Variants in SPTBN1 observed in about 807,000 individuals in gnomAD.
SPTBN1 encodes spectrin beta, non-erythrocytic 1, also known as spectrin beta chain, non-erythrocytic 1.
SPTBN1 carries 32 observed loss-of-function variants against 266.4 expected under a neutral mutation model. That is an observed-to-expected ratio of 0.12 (90% CI 0.09 to 0.16). The LOEUF (loss-of-function observed/expected upper bound fraction) is 0.16, where lower values mean the gene tolerates loss of function less well. SPTBN1 is among the 10% of genes least tolerant of loss of function. The probability of loss-of-function intolerance (pLI) is 1.00; values close to 1 mark genes in which losing one functional copy is unlikely to be tolerated. For synonymous variants in SPTBN1, 1,336 were observed against 1,162.2 expected (o/e 1.15, Z -3.04); for missense variants, 2,296 against 3,067.1 (o/e 0.75, Z 5.94).
At position 54,626,858 on chromosome 2, in the gene SPTBN1, T is replaced by G. The variant is rs138471560; in HGVS notation, c.1644+624T>G. Among the ~76,000 whole-genome samples the G allele has an allele frequency of 5.7e-4, 87 of 152,334 alleles. 1 individual carries two copies. Among genetic ancestry groups the G allele is most frequent in the Non-Finnish European group, 1.1e-3 (78 of 68,024 alleles). On this transcript the variant is annotated intron_variant, in intron 12 of 35. Transcript: ENST00000356805. This position sits in a 1 kb window ranked among gnomAD's most constrained non-coding sequence, Gnocchi z 4.7. ...GGTCATGCCATTTATTGACTGCTCTTAGCATAGAGTTCCAACCTTTCCCCC... is the reference window on the plus strand; with the variant it reads ...GGTCATGCCATTTATTGACTGCTCTGAGCATAGAGTTCCAACCTTTCCCCC...
chr2:54,655,135 G>T lies in SPTBN1; in HGVS notation c.5888G>T (p.Arg1963Leu). 1 of 1,614,156 alleles carries T rather than the reference G, an allele frequency of 6.2e-7. No homozygotes were observed. The highest frequency in any genetic ancestry group is 1.3e-5 in the African/African-American group (1 of 75,056). Residue 1963 changes from arginine to leucine, a missense_variant, in exon 28 of 36, where the codon CGT (arginine) becomes CTT (leucine). Around this residue, in one of 12 missense-constraint regions of SPTBN1, gnomAD observed 644 missense variants for 745.3 expected, o/e 0.86. Coordinates refer to ENST00000356805, the MANE Select transcript of SPTBN1 (RefSeq NM_003128.3). ...HQGIKAEIDA[R>L]NDSFTTCIEL... ...GGCATCAAAGCTGAAATTGATGCAC[G>T]TAATGACAGTTTCACAACCTGCATT...
intron 1 of SPTBN1, among the ~76,000 whole-genome samples, chr2:54,487,530 C>T (rs1006459901): frequency 6.6e-5 from 10 of 152,126 alleles, no homozygotes; most frequent in African/African-American, 2.4e-4. Context: ...CCCTGATTTT[C>T]AGCCTAGGTA....
In SPTBN1 at chr2:54,664,539, C is replaced by G. The variant is rs781744861; in HGVS notation, c.6507C>G (p.Ser2169=). ...CTAAAGAGTCCAGCCCCATCCCCTC[C>G]CCGACCTCTGATCGTAAAGCCAAGA... The part of the protein sequence containing the change: ...TSSKESSPIP[S]PTSDRKAKTA... The change falls in exon 33 of 36, where the codon TCC becomes TCG. Residue 2169 remains serine (S), a synonymous_variant. Transcript: ENST00000356805. This position sits in a 1 kb window ranked among gnomAD's most constrained non-coding sequence, Gnocchi z 5.6. 17 of 1,614,052 alleles carry G rather than the reference C, an allele frequency of 1.1e-5. No homozygotes were observed. The highest frequency in any genetic ancestry group is 3.3e-5 in the Admixed American group (2 of 60,008).
At chr2:54,666,177 T>G (rs1276683118) in intron 34 of SPTBN1, 89 bp downstream of exon 34, 14 of 1,344,150 alleles carry the variant, frequency 1.0e-5, no homozygotes, top group Non-Finnish European at 1.4e-5. Flanking sequence ...CTGCTGTGAT[T>G]AGTTGGTTCT....
intron 1 of SPTBN1, among the ~76,000 whole-genome samples, chr2:54,468,179 C>G (rs1693733786): frequency 6.6e-6 from 1 of 152,062 alleles, no homozygotes; most frequent in Non-Finnish European, 1.5e-5. Context: ...TGGTGGTGGG[C>G]TTCTCTAGTC....
Position 54,536,982 on chromosome 2 carries a change from G to C in SPTBN1, c.148+10416G>C, listed in dbSNP as rs112671924. On this transcript the variant is annotated intron_variant, in intron 2 of 35. Transcript: ENST00000356805. Reference sequence around the variant, plus strand: ...CAGGAGGCTGAGGCTACAGTGAGCCGTGATTGTGCCACTGCACTTCAGACT... The same window carrying C: ...CAGGAGGCTGAGGCTACAGTGAGCCCTGATTGTGCCACTGCACTTCAGACT... Among the ~76,000 whole-genome samples, 864 of 152,302 alleles carry C rather than the reference G, an allele frequency of 5.7e-3. 12 individuals carry two copies. The highest frequency in any genetic ancestry group is 0.02 in the African/African-American group (832 of 41,568).
chr2:54,459,884 A>G (rs1475474317), intron 1 of SPTBN1, among the ~76,000 whole-genome samples: 2 of 152,172 alleles, frequency 1.3e-5, no homozygotes, highest in East Asian at 3.8e-4. Flanking sequence ...GACCTAGTTT[A>G]GTACTCTGAT....
Position 54,645,311 on chromosome 2 carries a change from A to G in SPTBN1, c.4352A>G (p.Lys1451Arg). 1 of 1,614,238 alleles carries G rather than the reference A, an allele frequency of 6.2e-7. No individual in the cohort carries two copies. Among genetic ancestry groups the G allele is most frequent in the Non-Finnish European group, 8.5e-7 (1 of 1,180,028 alleles). The change falls in exon 21 of 36, where the codon AAG becomes AGG. Residue 1451 changes from lysine (K) to arginine (R), a missense_variant. Transcript: ENST00000356805. This position sits in a 1 kb window ranked among gnomAD's most constrained non-coding sequence, Gnocchi z 4.3. ...SQAQALSQEG[K>R]STDEVDSKRL... ...GCCCAGGCCCTGAGTCAGGAAGGGA[A>G]GAGCACCGACGAGGTAGACAGCAAG...
chr2:54,658,297 G>A (rs1572771589), intron 30 of SPTBN1, among the ~76,000 whole-genome samples: 4 of 152,124 alleles, frequency 2.6e-5, no homozygotes, highest in Admixed American at 2.6e-4. Flanking sequence ...CTGCCTGGGG[G>A]TTGATTGGTG....
At chr2:54,665,773 T>C in intron 33 of SPTBN1, 142 bp from the exon 34 acceptor site, 1 of 979,338 alleles carries the variant, frequency 1.0e-6, no homozygotes, top group Non-Finnish European at 1.5e-6. Flanking sequence ...TAGGAAGGGC[T>C]TGTAATAAGG....
Position 54,558,702 on chromosome 2 carries a change from G to T in SPTBN1, c.148+32136G>T. The T allele has an allele frequency of 6.4e-7, 1 of 1,555,874 alleles. No individual in the cohort carries two copies. On this transcript the variant is annotated intron_variant, in intron 2 of 35. Coordinates refer to ENST00000356805, the MANE Select transcript of SPTBN1 (RefSeq NM_003128.3). The surrounding 1 kb of genome is among the most constrained non-coding windows in gnomAD (Gnocchi z 4.6). ...GGAGCCGAGCGCTGCGGAGGCTGCT[G>T]CGTGTTGGATGGGAGTGGGAGGGGG...
chr2:54,464,694 C>CTTTTG (rs906001117), intron 1 of SPTBN1, among the ~76,000 whole-genome samples: 4 of 151,762 alleles, frequency 2.6e-5, no homozygotes, highest in East Asian at 3.9e-4. Flanking sequence ...ATTTTGTTTT[C>CTTTTG]TTTTGTTTTG....
At chr2:54,667,384 C>G (rs1456748742) in intron 34 of SPTBN1, among the ~76,000 whole-genome samples, 1 of 152,142 alleles carries the variant, frequency 6.6e-6, no homozygotes, top group Non-Finnish European at 1.5e-5. Context: ...GAAGCACAGG[C>G]TCCCTGTGTG....
chr2:54,630,860 G>A lies in SPTBN1; in HGVS notation c.2813G>A (p.Ser938Asn), dbSNP rs1013565610. 3.0e-5 allele frequency: 47 copies of A among 1,582,572 alleles called. No individual in the cohort carries two copies. The highest frequency in any genetic ancestry group is 3.9e-5 in the Non-Finnish European group (45 of 1,162,570). The change falls in exon 16 of 36, where the codon AGC becomes AAC. Residue 938 changes from serine to asparagine, a missense_variant. Around this residue, in one of 12 missense-constraint regions of SPTBN1, gnomAD observed 128 missense variants for 176.5 expected, o/e 0.73. Coordinates refer to ENST00000356805, the MANE Select transcript of SPTBN1 (RefSeq NM_003128.3). Reference sequence around the variant, plus strand: ...GTCTGCCCCTGCACTCACAGGTGGAGCCAGTTCAGAGAACTGGTTGACAGG... The same window carrying A: ...GTCTGCCCCTGCACTCACAGGTGGAACCAGTTCAGAGAACTGGTTGACAGG... Reference protein sequence around the residue: ...AQQDKLNTRWSQFRELVDRKK... With the variant: ...AQQDKLNTRWNQFRELVDRKK...
chr2:54,604,938 T>G (rs1676737827), intron 3 of SPTBN1, among the ~76,000 whole-genome samples: 1 of 152,294 alleles, frequency 6.6e-6, no homozygotes, highest in Non-Finnish European at 1.5e-5. Context: ...TATCGACCCT[T>G]GGCCCCACGT....
intron 1 of SPTBN1, among the ~76,000 whole-genome samples, chr2:54,468,496 A>C (rs1023639895): frequency 6.6e-6 from 1 of 152,172 alleles, no homozygotes; most frequent in Admixed American, 6.5e-5. Context: ...GACAGTCTCT[A>C]TAATGACATG....
chr2:54,463,769 A>C (rs969733557), intron 1 of SPTBN1, among the ~76,000 whole-genome samples: 1 of 152,238 alleles, frequency 6.6e-6, no homozygotes, highest in Non-Finnish European at 1.5e-5. Flanking sequence ...AGCAAATAAC[A>C]ATCATTTAGA....
At chr2:54,479,414 G>A (rs530072352) in intron 1 of SPTBN1, among the ~76,000 whole-genome samples, 1 of 152,198 alleles carries the variant, frequency 6.6e-6, no homozygotes, top group Non-Finnish European at 1.5e-5. Flanking sequence ...GTTAGGTTCT[G>A]TTTCTTGGAG....
intron 1 of SPTBN1, among the ~76,000 whole-genome samples, chr2:54,466,229 A>T (rs1693623415): frequency 6.6e-6 from 1 of 152,200 alleles, no homozygotes; most frequent in Non-Finnish European, 1.5e-5. Flanking sequence ...ATTAGAACAT[A>T]ACTATAGATT....
Sources: allele counts gnomAD v4.1 joint callset (sites outside exome capture counted in the v4.1 genomes callset), GRCh38; gene constraint gnomAD v4.1.1; regional missense constraint gnomAD v4.1.1; non-coding constraint Gnocchi (gnomAD v3.1); transcripts MANE v1.5; gene names NCBI Gene and HGNC (gene_info 2026-07-23, HGNC 2026-07-21).